GTF2F1: variants seen among roughly 807,000 people sequenced by gnomAD.
The protein encoded by GTF2F1 is general transcription factor IIF 74 kDa subunit.
Under a neutral mutation model 63.5 loss-of-function variants are expected in GTF2F1, and 39 were observed. That is an observed-to-expected ratio of 0.61 (90% CI 0.48 to 0.80). GTF2F1 has a LOEUF of 0.80. GTF2F1 is among the 30% of genes least tolerant of loss of function. The pLI, the probability that GTF2F1 is intolerant of heterozygous loss-of-function variation, is 0.00. For missense variants in GTF2F1, 657 were observed against 718.3 expected, an observed-to-expected ratio of 0.91 and a Z score of 0.97; for synonymous variants, 287 against 285.3, an observed-to-expected ratio of 1.01 and a Z score of -0.06.
Position 6,381,743 on chromosome 19 carries a change from C to G in GTF2F1, c.790G>C (p.Gly264Arg). 6.2e-7 allele frequency: 1 copy of G among 1,614,224 alleles called. No individual in the cohort carries two copies. The highest frequency in any genetic ancestry group is 1.1e-5 in the South Asian group (1 of 91,088). ...DDEAFEDSDD[G>R]DFEGQEVDYM... Reference sequence around the variant, plus strand: ...TCCACCTCTTGGCCCTCGAAGTCCCCATCATCGCTGTCCTCGAAGGCCTCG... The same window carrying G: ...TCCACCTCTTGGCCCTCGAAGTCCCGATCATCGCTGTCCTCGAAGGCCTCG... The change falls in exon 7 of 13, where the codon GGG (glycine) becomes CGG (arginine). Residue 264 changes from glycine to arginine, a missense_variant. Transcript: ENST00000394456. This position sits in a 1 kb window ranked among gnomAD's most constrained non-coding sequence, Gnocchi z 4.1.
chr19:6,391,438 CGTTTTTTTTTTTTTTTTTT>C (rs2091996726), intron 3 of GTF2F1, among the ~76,000 whole-genome samples: 1 of 121,732 alleles, frequency 8.2e-6, no homozygotes, highest in African/African-American at 3.4e-5. Flanking sequence ...TTGCCATTTC[CGTTTTTTTTTTTTTTTTTT>C]TTTTTTTTTT....
chr19:6,381,420 C>G lies in GTF2F1; in HGVS notation c.957G>C (p.Glu319Asp), dbSNP rs1369993909. 6.2e-7 allele frequency: 1 copy of G among 1,610,782 alleles called. No individual in the cohort carries two copies. The highest frequency in any genetic ancestry group is 1.1e-5 in the South Asian group (1 of 91,072). ...EESEEEKPPE[E>D]DKEEEEEKKA... ...TCTTCTCCTCCTCCTCCTCCTTGTC[C>G]TCCTCAGGCGGCTTCTCCTCCTCAC... The change falls in exon 9 of 13, where the codon GAG becomes GAC. Residue 319 changes from glutamate to aspartate, a missense_variant. Transcript: ENST00000394456. The surrounding 1 kb of genome is among the most constrained non-coding windows in gnomAD (Gnocchi z 4.1).
At chr19:6,384,618 A>G (rs2091967443) in intron 5 of GTF2F1, among the ~76,000 whole-genome samples, 1 of 151,708 alleles carries the variant, frequency 6.6e-6, no homozygotes, top group African/African-American at 2.4e-5. Context: ...TGGCTTTACC[A>G]CACTGAGCCA....
chr19:6,389,084 T>G (rs546713877), intron 4 of GTF2F1, among the ~76,000 whole-genome samples: 25 of 151,760 alleles, frequency 1.6e-4, no homozygotes, highest in Non-Finnish European at 3.1e-4. Flanking sequence ...AATACAAAAA[T>G]TAGCTGGGCG....
chr19:6,390,478 CG>C, intron 3 of GTF2F1: 1 of 122,110 alleles, frequency 8.2e-6, no homozygotes, highest in Admixed American at 9.9e-5. Context: ...ACCCGGGAGG[CG>C]GAGCTTGCAG....
In GTF2F1 at chr19:6,383,290, T is replaced by C. The variant is rs772231603; in HGVS notation, c.682+21A>G. 2.5e-6 allele frequency: 4 copies of C among 1,611,060 alleles called. No homozygotes were observed. In the South Asian group the frequency reaches 4.4e-5, roughly 18 times the overall value. On this transcript the variant is annotated intron_variant, in intron 6 of 12. Transcript: ENST00000394456. This position sits in a 1 kb window ranked among gnomAD's most constrained non-coding sequence, Gnocchi z 4.5. ...CTGAGCAGGCACCTCTGTGACCTAATGCCCAGGCGCCCGTACTCACCCTCC... is the reference window on the plus strand; with the variant it reads ...CTGAGCAGGCACCTCTGTGACCTAACGCCCAGGCGCCCGTACTCACCCTCC...
At position 6,383,942 on chromosome 19, in the gene GTF2F1, G is replaced by A. The variant is rs868035442; in HGVS notation, c.498-447C>T. On this transcript the variant is annotated intron_variant, in intron 5 of 12. Coordinates refer to ENST00000394456, the MANE Select transcript of GTF2F1 (RefSeq NM_002096.3). The surrounding 1 kb of genome is among the most constrained non-coding windows in gnomAD (Gnocchi z 4.5). Reference sequence around the variant, plus strand: ...CTCCCAGATAGCCGGGGTTCCAGGCGCCTGCCACCACGCCCAGCTAATTTT... The same window carrying A: ...CTCCCAGATAGCCGGGGTTCCAGGCACCTGCCACCACGCCCAGCTAATTTT... Among the ~76,000 whole-genome samples the A allele has an allele frequency of 4.1e-4, 62 of 150,004 alleles. 2 individuals carry two copies. The South Asian group carries it at 5.3e-3, about 13-fold the overall frequency.
At position 6,383,254 on chromosome 19, in the gene GTF2F1, A is replaced by T; in HGVS notation, c.682+57T>A. ...GTGAGCGATGGTAGACTTTGCCTTC[A>T]CTGGCACTGCCTGAGCAGGCACCTC... On this transcript the variant is annotated intron_variant, in intron 6 of 12. Transcript: ENST00000394456. This position sits in a 1 kb window ranked among gnomAD's most constrained non-coding sequence, Gnocchi z 4.5. 1.3e-6 allele frequency: 2 copies of T among 1,563,738 alleles called. No homozygotes were observed. Among genetic ancestry groups the T allele is most frequent in the South Asian group, 1.1e-5 (1 of 89,196 alleles).
Position 6,383,198 on chromosome 19 carries a change from G to A in GTF2F1, c.682+113C>T, listed in dbSNP as rs1009339482. On this transcript the variant is annotated intron_variant, in intron 6 of 12. Coordinates refer to ENST00000394456, the MANE Select transcript of GTF2F1 (RefSeq NM_002096.3). The surrounding 1 kb of genome is among the most constrained non-coding windows in gnomAD (Gnocchi z 4.5). ...ATGACAGGCGTGAGCCACTGTGCCC[G>A]GCCCCACTTGCCTCTCATTCTAGGG... 4.4e-5 allele frequency: 50 copies of A among 1,132,214 alleles called. No individual in the cohort carries two copies. Among genetic ancestry groups the A allele is most frequent in the Non-Finnish European group, 5.8e-5 (45 of 776,950 alleles). 70.1% of individuals were successfully genotyped at this position (1,132,214 alleles called of 1,614,324 possible). A position where few individuals can be genotyped will look rare whatever the true frequency, so the allele number is the denominator to read the frequency against.
At chr19:6,385,360 A>G (rs1368098991) in intron 5 of GTF2F1, among the ~76,000 whole-genome samples, 1 of 134,240 alleles carries the variant, frequency 7.4e-6, no homozygotes, top group African/African-American at 3.0e-5. Context: ...AGATGGTACC[A>G]CTGCACTCCA....
chr19:6,383,791 T>A lies in GTF2F1; in HGVS notation c.498-296A>T, dbSNP rs565549442. On this transcript the variant is annotated intron_variant, in intron 5 of 12. Transcript: ENST00000394456. This position sits in a 1 kb window ranked among gnomAD's most constrained non-coding sequence, Gnocchi z 4.5. The stretch of plus-strand genomic sequence containing the variant: ...CAGTCACACTGGTTTCTTGCTATTT[T>A]TTATTATTATTTTTTTATTTTCTGA... 7.9e-5 allele frequency among the ~76,000 whole-genome samples: 12 copies of A among 152,190 alleles called. No individual in the cohort carries two copies. The East Asian group carries it at 2.1e-3, about 27-fold the overall frequency.
chr19:6,391,299 C>T (rs139887204), intron 3 of GTF2F1, among the ~76,000 whole-genome samples: 1 of 152,172 alleles, frequency 6.6e-6, no homozygotes, highest in Non-Finnish European at 1.5e-5. Context: ...CCCTCCCTTG[C>T]CCAGATAAAC....
At chr19:6,392,270 C>T in intron 2 of GTF2F1, 1 of 503,658 alleles carries the variant, frequency 2.0e-6, no homozygotes, top group Non-Finnish European at 3.9e-6. Context: ...TCCCAGTCTG[C>T]CAGAGAAGCT....
chr19:6,389,694 C>T (rs566814962), intron 3 of GTF2F1, 57 bp from the exon 4 acceptor site: 2 of 1,515,336 alleles, frequency 1.3e-6, no homozygotes, highest in South Asian at 1.1e-5. Flanking sequence ...GCGCAGTGCC[C>T]CCCTCCAGGA....
chr19:6,392,027 A>T (rs2092000774), intron 2 of GTF2F1, 53 bp from the exon 3 acceptor site: 1 of 898,656 alleles, frequency 1.1e-6, no homozygotes, highest in African/African-American at 1.6e-5. Flanking sequence ...TTCAATCATT[A>T]ATTTAATCAG....
chr19:6,392,046 A>G (rs892677338), intron 2 of GTF2F1, 72 bp from the exon 3 acceptor site: 18 of 785,406 alleles, frequency 2.3e-5, no homozygotes, highest in South Asian at 1.2e-4. Context: ...AGTCAATGCT[A>G]TTGAACCATT....
Position 6,381,295 on chromosome 19 carries a change from G to T in GTF2F1, c.1018+64C>A. 6.5e-7 allele frequency: 1 copy of T among 1,546,048 alleles called. No individual in the cohort carries two copies. On this transcript the variant is annotated intron_variant, in intron 9 of 12. Coordinates refer to ENST00000394456, the MANE Select transcript of GTF2F1 (RefSeq NM_002096.3). The surrounding 1 kb of genome is among the most constrained non-coding windows in gnomAD (Gnocchi z 4.1). ...TGAGGGAGGCCTGCAGGGGAGAGGG[G>T]AGGAGGTGGCAGGGCGCCAGGGCCC...
In GTF2F1 at chr19:6,389,757, C is replaced by G; in HGVS notation, c.133-120G>C. 3 of 838,270 alleles carry G rather than the reference C, an allele frequency of 3.6e-6. No homozygotes were observed. The South Asian group carries it at 4.9e-5, about 14-fold the overall frequency. The allele number at this position is 838,270 out of a possible 1,614,324, so 51.9% of individuals were successfully genotyped here. On this transcript the variant is annotated intron_variant, in intron 3 of 12. Transcript: ENST00000394456. Reference sequence around the variant, plus strand: ...CTAGATTCTCAAAACCAACTTACCACTTGGCAACAAGGGAGGAGAACGGTA... The same window carrying G: ...CTAGATTCTCAAAACCAACTTACCAGTTGGCAACAAGGGAGGAGAACGGTA...
chr19:6,392,949 T>C, intron 1 of GTF2F1, 35 bp downstream of exon 1: 1 of 1,613,920 alleles, frequency 6.2e-7, no homozygotes, highest in East Asian at 2.2e-5. Flanking sequence ...GAGGTCGCCG[T>C]CGGAACCCCC....
Sources: gnomAD v4.1 joint callset for allele counts (sites outside exome capture counted in the v4.1 genomes callset) on GRCh38, gnomAD v4.1.1 for gene constraint, Gnocchi (gnomAD v3.1) non-coding constraint, MANE v1.5 for transcripts, NCBI Gene and HGNC (gene_info 2026-07-23, HGNC 2026-07-21) for gene names.